OXSR1: variants seen among roughly 807,000 people sequenced by gnomAD.
The protein encoded by OXSR1 is serine/threonine-protein kinase OSR1.
A neutral mutation model predicts 79.8 loss-of-function variants in OXSR1; 24 were observed. The observed-to-expected ratio is 0.30, with a 90% CI of 0.22 to 0.42. OXSR1 has a LOEUF of 0.42. Ranked by LOEUF, OXSR1 falls within the 10% of genes least tolerant of loss-of-function variation. The pLI, the probability that OXSR1 is intolerant of heterozygous loss-of-function variation, is 1.00. For missense variants in OXSR1, 430 were observed against 618.4 expected (o/e 0.70, Z 3.23); for synonymous variants, 226 against 209.2 (o/e 1.08, Z -0.69).
intron 3 of OXSR1, among the ~76,000 whole-genome samples, chr3:38,193,934 TTTG>T (rs1272642067): frequency 6.6e-6 from 1 of 152,230 alleles, no homozygotes; most frequent in Non-Finnish European, 1.5e-5. Flanking sequence ...AATGAAATCT[TTTG>T]TTGTTATAAA....
At chr3:38,189,233 CT>C (rs1304746656) in intron 2 of OXSR1, among the ~76,000 whole-genome samples, 1 of 152,088 alleles carries the variant, frequency 6.6e-6, no homozygotes, top group Non-Finnish European at 1.5e-5. Context: ...TAACATTTAT[CT>C]TTTTTTCCTT....
intron 4 of OXSR1, among the ~76,000 whole-genome samples, chr3:38,209,738 G>A (rs562228919): frequency 4.0e-5 from 6 of 150,712 alleles, no homozygotes; most frequent in Non-Finnish European, 5.9e-5. Context: ...GGGTTCATGC[G>A]TCAGCCTCCC....
rs928096385 is a variant in OXSR1 at position 38,253,862 on chromosome 3, C to T, written c.*971C>T. 5.5e-5 allele frequency: 14 copies of T among 255,230 alleles called. No homozygotes were observed. The highest frequency in any genetic ancestry group is 8.8e-5 in the African/African-American group (4 of 45,436). The allele number at this position is 255,230 out of a possible 1,614,324, so 15.8% of individuals were successfully genotyped here. On this transcript the variant is annotated 3_prime_UTR_variant, in exon 18 of 18. Coordinates refer to ENST00000311806, the MANE Select transcript of OXSR1 (RefSeq NM_005109.3). ...CACACACTGGGCCAGAGAGGCCTGCCTTCTGCCTGCTCTCCTGCACTGACC... is the reference window on the plus strand; with the variant it reads ...CACACACTGGGCCAGAGAGGCCTGCTTTCTGCCTGCTCTCCTGCACTGACC...
At chr3:38,227,833 A>G (rs1362720788) in intron 8 of OXSR1, among the ~76,000 whole-genome samples, 1 of 152,172 alleles carries the variant, frequency 6.6e-6, no homozygotes, top group Non-Finnish European at 1.5e-5. Flanking sequence ...GGAACAGATT[A>G]CCTACTGAGG....
intron 4 of OXSR1, among the ~76,000 whole-genome samples, chr3:38,208,143 C>G (rs1218925316): frequency 6.6e-6 from 1 of 151,938 alleles, no homozygotes; most frequent in East Asian, 1.9e-4. Context: ...TTCAGTTTTT[C>G]AGTACATTTT....
chr3:38,242,707 G>A (rs1169023305), intron 11 of OXSR1, 36 bp from the exon 12 acceptor site: 12 of 1,396,988 alleles, frequency 8.6e-6, no homozygotes, highest in Non-Finnish European at 1.2e-5. Context: ...AACCTGAGTT[G>A]TGAGTTAACA....
At chr3:38,166,053 G>T in intron 1 of OXSR1, 107 bp downstream of exon 1, 6 of 1,002,646 alleles carry the variant, frequency 6.0e-6, no homozygotes, top group South Asian at 1.4e-5. Flanking sequence ...ATAGGAATTC[G>T]TGGGGCGCTT....
intron 17 of OXSR1, 78 bp downstream of exon 17, chr3:38,252,470 CCT>C: frequency 1.1e-6 from 1 of 924,226 alleles, no homozygotes; most frequent in Non-Finnish European, 1.8e-6. Context: ...TTCTATATCC[CCT>C]GAGTGATGAG....
chr3:38,184,350 T>C (rs1398873712), intron 2 of OXSR1, among the ~76,000 whole-genome samples: 2 of 152,202 alleles, frequency 1.3e-5, no homozygotes. Flanking sequence ...GGTGAGAGAA[T>C]GCATACTTCG....
chr3:38,176,593 G>C (rs1482694477), intron 1 of OXSR1, among the ~76,000 whole-genome samples: 1 of 152,202 alleles, frequency 6.6e-6, no homozygotes, highest in African/African-American at 2.4e-5. Flanking sequence ...ATGGATGAAA[G>C]TGACTGTTAG....
chr3:38,224,567 G>T lies in OXSR1; in HGVS notation c.703-4G>T. The T allele has an allele frequency of 6.3e-7, 1 of 1,575,604 alleles. No homozygotes were observed. Among genetic ancestry groups the T allele is most frequent in the Non-Finnish European group, 8.6e-7 (1 of 1,168,072 alleles). On this transcript the variant is annotated splice_polypyrimidine_tract_variant and splice_region_variant and intron_variant, in intron 7 of 17. Transcript: ENST00000311806. ...AGTTTATAGTATATTGAAAATTCTT[G>T]CAGGTTTTAATGCTGACACTGCAGA...
intron 10 of OXSR1, among the ~76,000 whole-genome samples, chr3:38,231,415 A>G (rs376451708): frequency 2.8e-4 from 43 of 152,128 alleles, no homozygotes; most frequent in South Asian, 6.2e-4. Context: ...GACCTGGACA[A>G]TTATTCTCAT....
At chr3:38,232,580 C>T (rs899818652) in intron 10 of OXSR1, among the ~76,000 whole-genome samples, 2 of 151,870 alleles carry the variant, frequency 1.3e-5, no homozygotes, top group African/African-American at 4.8e-5. Flanking sequence ...CATGGCAGAC[C>T]CTATCTCTAC....
chr3:38,250,417 A>T (rs1056833668), intron 15 of OXSR1, among the ~76,000 whole-genome samples: 1 of 152,194 alleles, frequency 6.6e-6, no homozygotes, highest in African/African-American at 2.4e-5. Context: ...CTGGAATTCA[A>T]ACCAGATCTG....
At chr3:38,183,944 T>C (rs1241363313) in intron 2 of OXSR1, among the ~76,000 whole-genome samples, 1 of 152,218 alleles carries the variant, frequency 6.6e-6, no homozygotes, top group Non-Finnish European at 1.5e-5. Flanking sequence ...TAATACTTGC[T>C]TTGGATACCT....
At chr3:38,166,598 C>T (rs1160159456) in intron 1 of OXSR1, among the ~76,000 whole-genome samples, 2 of 151,982 alleles carry the variant, frequency 1.3e-5, no homozygotes, top group Admixed American at 6.6e-5. Flanking sequence ...CGAGACCAGC[C>T]TGGCCAATAT....
chr3:38,165,976 C>A (rs770941224), intron 1 of OXSR1, 30 bp downstream of exon 1: 1 of 1,591,360 alleles, frequency 6.3e-7, no homozygotes, highest in South Asian at 1.1e-5. Context: ...AGGGGGGAGG[C>A]GCGGCGCTGG....
At chr3:38,164,476 A>G (rs1344046466), upstream of OXSR1, among the ~76,000 whole-genome samples, 1 of 152,184 alleles carries the variant, frequency 6.6e-6, no homozygotes, top group Non-Finnish European at 1.5e-5. Context: ...CTGCCGTTGG[A>G]CTGAAAGGTG....
intron 4 of OXSR1, among the ~76,000 whole-genome samples, chr3:38,201,456 A>G (rs969146605): frequency 1.1e-4 from 16 of 152,202 alleles, no homozygotes; most frequent in Non-Finnish European, 2.4e-4. Context: ...CACGCCTGTA[A>G]TCCCAGCACT....
Sources: allele counts gnomAD v4.1 joint callset (sites outside exome capture counted in the v4.1 genomes callset), GRCh38; gene constraint gnomAD v4.1.1; transcripts MANE v1.5; gene names NCBI Gene and HGNC (gene_info 2026-07-23, HGNC 2026-07-21).